The following SDCCAG8 variants were observed in gnomAD, a reference collection of about 807,000 sequenced individuals.
SDCCAG8 encodes the protein SHH signaling and ciliogenesis regulator SDCCAG8, also known as serologically defined colon cancer antigen 8.
In SDCCAG8, 74 loss-of-function variants were observed where a neutral mutation model predicts 101.8. The observed-to-expected ratio is 0.73, with a 90% CI of 0.60 to 0.88. The LOEUF (loss-of-function observed/expected upper bound fraction) is 0.88, where lower values mean the gene tolerates loss of function less well. Among genes scored for constraint, SDCCAG8 ranks in the 40% least tolerant of loss-of-function variants. The pLI is 0.00. For missense variants in SDCCAG8, 787 were observed against 822.6 expected, an observed-to-expected ratio of 0.96 and a Z score of 0.53; for synonymous variants, 281 against 292.9, an observed-to-expected ratio of 0.96 and a Z score of 0.41.
intron 6 of SDCCAG8, among the ~76,000 whole-genome samples, chr1:243,301,015 A>C (rs1054287570): frequency 6.6e-6 from 1 of 152,210 alleles, no homozygotes; most frequent in African/African-American, 2.4e-5. Flanking sequence ...TGTAGGTAAT[A>C]GTCTATTTTA....
intron 16 of SDCCAG8, among the ~76,000 whole-genome samples, chr1:243,478,096 G>GC (rs2148215072): frequency 1.3e-5 from 2 of 152,198 alleles, no homozygotes; most frequent in African/African-American, 4.8e-5. Flanking sequence ...CTCTTCTCCC[G>GC]CCCCCAGGCC....
At chr1:243,484,364 C>T (rs1664358518) in intron 16 of SDCCAG8, among the ~76,000 whole-genome samples, 1 of 152,256 alleles carries the variant, frequency 6.6e-6, no homozygotes, top group African/African-American at 2.4e-5. Flanking sequence ...AAAGCACCCA[C>T]TCATCCTTTC....
At chr1:243,289,579 T>G (rs2070011161) in intron 5 of SDCCAG8, among the ~76,000 whole-genome samples, 1 of 152,208 alleles carries the variant, frequency 6.6e-6, no homozygotes, top group Admixed American at 6.5e-5. Context: ...TACTTCAGAT[T>G]TGCAGTACCC....
chr1:243,483,119 G>T (rs1301052980), intron 16 of SDCCAG8, among the ~76,000 whole-genome samples: 1 of 152,216 alleles, frequency 6.6e-6, no homozygotes, highest in African/African-American at 2.4e-5. Context: ...ACGGACGCTG[G>T]AAGAGGTTTC....
intron 16 of SDCCAG8, among the ~76,000 whole-genome samples, chr1:243,441,856 T>C (rs535020000): frequency 6.6e-6 from 1 of 152,328 alleles, no homozygotes; most frequent in East Asian, 1.9e-4. Flanking sequence ...ATATTGAGCT[T>C]GATTCTTTAA....
intron 12 of SDCCAG8, among the ~76,000 whole-genome samples, chr1:243,370,264 C>T (rs558177344): frequency 1.3e-4 from 19 of 151,960 alleles, no homozygotes; most frequent in South Asian, 6.2e-4. Flanking sequence ...TCATTTAGAA[C>T]ACTGAAAAAG....
intron 12 of SDCCAG8, among the ~76,000 whole-genome samples, chr1:243,359,685 C>G (rs2076587151): frequency 6.6e-6 from 1 of 152,126 alleles, no homozygotes. Context: ...TTAACTTACC[C>G]TTCATTGTGT....
intron 16 of SDCCAG8, among the ~76,000 whole-genome samples, chr1:243,462,171 T>C (rs1225440721): frequency 6.6e-6 from 1 of 152,206 alleles, no homozygotes; most frequent in Non-Finnish European, 1.5e-5. Context: ...GGCCGAGGAT[T>C]GAGCCCACTA....
intron 16 of SDCCAG8, among the ~76,000 whole-genome samples, chr1:243,485,502 AG>A (rs1664600791): frequency 6.6e-6 from 1 of 152,212 alleles, no homozygotes; most frequent in South Asian, 2.1e-4. Flanking sequence ...TTATGTGTCT[AG>A]GACACCCCAA....
chr1:243,259,397 ACTCTGT>A (rs1021909135), intron 1 of SDCCAG8, among the ~76,000 whole-genome samples: 2 of 151,968 alleles, frequency 1.3e-5, no homozygotes, highest in Non-Finnish European at 2.9e-5. Context: ...ACAGAGCGAG[ACTCTGT>A]CTCAAAAAAC....
intron 16 of SDCCAG8, among the ~76,000 whole-genome samples, chr1:243,479,027 G>A (rs1056641822): frequency 2.0e-5 from 3 of 151,720 alleles, no homozygotes; most frequent in African/African-American, 7.3e-5. Flanking sequence ...AGCGTGTTCC[G>A]GAAGCCTCAG....
At chr1:243,287,778 T>C (rs2069773807) in intron 5 of SDCCAG8, among the ~76,000 whole-genome samples, 1 of 152,226 alleles carries the variant, frequency 6.6e-6, no homozygotes, top group Non-Finnish European at 1.5e-5. Flanking sequence ...AAGCAGTGAT[T>C]CAATTATTCA....
intron 16 of SDCCAG8, among the ~76,000 whole-genome samples, chr1:243,437,035 T>A (rs1490714166): frequency 4.6e-5 from 7 of 152,230 alleles, no homozygotes; most frequent in Non-Finnish European, 8.8e-5. Flanking sequence ...TCTCTAAAGC[T>A]GATTTTCTCT....
chr1:243,459,706 A>G (rs1221407558), intron 16 of SDCCAG8, among the ~76,000 whole-genome samples: 1 of 152,104 alleles, frequency 6.6e-6, no homozygotes, highest in Non-Finnish European at 1.5e-5. Context: ...TCCTGTGCTG[A>G]AGTGATCCTC....
intron 8 of SDCCAG8, among the ~76,000 whole-genome samples, chr1:243,315,930 T>C (rs924152626): frequency 6.6e-6 from 1 of 152,232 alleles, no homozygotes; most frequent in Non-Finnish European, 1.5e-5. Flanking sequence ...CACTTTCTCT[T>C]TGTCTACTGG....
At chr1:243,361,297 C>A (rs2076696311) in intron 12 of SDCCAG8, among the ~76,000 whole-genome samples, 1 of 152,142 alleles carries the variant, frequency 6.6e-6, no homozygotes, top group Admixed American at 6.5e-5. Context: ...ATGTTGTAAA[C>A]CAGTTTCCGA....
At chr1:243,386,602 A>T (rs1234615124) in intron 13 of SDCCAG8, among the ~76,000 whole-genome samples, 4 of 151,982 alleles carry the variant, frequency 2.6e-5, no homozygotes, top group Admixed American at 6.6e-5. Flanking sequence ...AAATACAAAA[A>T]ATTAGCTGGG....
At position 243,460,410 on chromosome 1, in the gene SDCCAG8, C is replaced by T. The variant is rs79810335; in HGVS notation, c.1986-28604C>T. ...AGGCGACCCGCAGGAATGGAATTGGCGCCAGCAGGGAACAGTCACTCACAG... is the reference window on the plus strand; with the variant it reads ...AGGCGACCCGCAGGAATGGAATTGGTGCCAGCAGGGAACAGTCACTCACAG... On this transcript the variant is annotated intron_variant, in intron 16 of 17. Transcript: ENST00000366541. 5.4e-3 allele frequency among the ~76,000 whole-genome samples: 817 copies of T among 152,210 alleles called. 3 individuals carry two copies. Among genetic ancestry groups the T allele is most frequent in the Non-Finnish European group, 6.6e-3 (448 of 68,014 alleles).
intron 12 of SDCCAG8, chr1:243,346,235 C>T (rs1481229343): frequency 6.5e-6 from 1 of 154,284 alleles, no homozygotes; most frequent in Admixed American, 6.5e-5. Context: ...TCTGTGAGAC[C>T]AAAGAACTAC....
Sources: gnomAD v4.1 joint callset for allele counts (sites outside exome capture counted in the v4.1 genomes callset) on GRCh38, gnomAD v4.1.1 for gene constraint, MANE v1.5 for transcripts, NCBI Gene and HGNC (gene_info 2026-07-23, HGNC 2026-07-21) for gene names.